ERC1: variants seen among roughly 807,000 people sequenced by gnomAD.
ERC1 encodes the protein RAB6 interacting protein 2.
A neutral mutation model predicts 132.0 loss-of-function variants in ERC1; 56 were observed. The ratio of observed to expected loss-of-function variants is 0.42; its 90% CI spans 0.34 to 0.53. The LOEUF (loss-of-function observed/expected upper bound fraction) is 0.53, where lower values mean the gene tolerates loss of function less well. Among genes scored for constraint, ERC1 ranks in the 20% least tolerant of loss-of-function variants. ERC1 has a pLI of 0.03. For missense variants in ERC1, 1,202 were observed against 1,349.9 expected (o/e 0.89, Z 1.72); for synonymous variants, 478 against 476.1 (o/e 1.00, Z -0.05).
chr12:1,024,238 G>A (rs765013398), intron 1 of ERC1, among the ~76,000 whole-genome samples: 3 of 152,064 alleles, frequency 2.0e-5, no homozygotes, highest in Non-Finnish European at 4.4e-5. Flanking sequence ...AAAATTAGCT[G>A]GGTGTGCTGA....
chr12:1,473,017 C>T (rs1367615535), intron 18 of ERC1, among the ~76,000 whole-genome samples: 1 of 152,020 alleles, frequency 6.6e-6, no homozygotes, highest in African/African-American at 2.4e-5. Context: ...TGGAGCCAAA[C>T]TCTTGTTGTT....
intron 16 of ERC1, among the ~76,000 whole-genome samples, chr12:1,388,784 G>T (rs1032775445): frequency 1.3e-5 from 2 of 152,120 alleles, no homozygotes; most frequent in African/African-American, 4.8e-5. Context: ...AAATGATGAG[G>T]ACAAGAATAT....
intron 15 of ERC1, among the ~76,000 whole-genome samples, chr12:1,325,390 T>G (rs1266429461): frequency 6.6e-6 from 1 of 152,216 alleles, no homozygotes; most frequent in African/African-American, 2.4e-5. Context: ...GAGGTTTGGA[T>G]AACATTGTTA....
chr12:1,151,047 G>A (rs1354057397), intron 8 of ERC1, among the ~76,000 whole-genome samples: 1 of 152,174 alleles, frequency 6.6e-6, no homozygotes, highest in Non-Finnish European at 1.5e-5. Context: ...GGAACTCTCT[G>A]TATCACCTTC....
chr12:1,475,632 T>C (rs956976013), intron 18 of ERC1, among the ~76,000 whole-genome samples: 1 of 152,202 alleles, frequency 6.6e-6, no homozygotes, highest in Middle Eastern at 3.4e-3. Flanking sequence ...GGAGATGAAA[T>C]TGAAGCAGTA....
chr12:1,300,836 T>TA (rs1230602044), intron 15 of ERC1, among the ~76,000 whole-genome samples: 1 of 152,100 alleles, frequency 6.6e-6, no homozygotes, highest in Non-Finnish European at 1.5e-5. Context: ...AAGGAACTCT[T>TA]ACACACTGTC....
intron 12 of ERC1, among the ~76,000 whole-genome samples, chr12:1,225,660 T>C (rs1228470562): frequency 6.6e-6 from 1 of 152,216 alleles, no homozygotes; most frequent in African/African-American, 2.4e-5. Context: ...AGGAATGAAA[T>C]TGGCTTTGAT....
At chr12:1,156,962 G>GT (rs1445388157) in intron 8 of ERC1, among the ~76,000 whole-genome samples, 3 of 151,790 alleles carry the variant, frequency 2.0e-5, no homozygotes, top group Non-Finnish European at 4.4e-5. Flanking sequence ...ACATTTTCCT[G>GT]TTTTTTGTTT....
intron 12 of ERC1, among the ~76,000 whole-genome samples, chr12:1,214,771 C>T (rs1387350263): frequency 6.6e-6 from 1 of 151,878 alleles, no homozygotes; most frequent in Non-Finnish European, 1.5e-5. Context: ...TTACGCTAAG[C>T]ATTTTCCATG....
At chr12:1,378,050 A>G (rs1056968086) in intron 16 of ERC1, among the ~76,000 whole-genome samples, 11 of 152,222 alleles carry the variant, frequency 7.2e-5, no homozygotes, top group Non-Finnish European at 4.4e-5. Context: ...TACTGGTTTG[A>G]AATGTGTCGT....
At chr12:1,342,882 A>C (rs1321487883) in intron 15 of ERC1, among the ~76,000 whole-genome samples, 1 of 152,210 alleles carries the variant, frequency 6.6e-6, no homozygotes, top group East Asian at 1.9e-4. Context: ...GATCCAATCC[A>C]TATTTCAGGA....
In ERC1 at chr12:1,478,169, A is replaced by T. The variant is rs1285431896; in HGVS notation, c.3214-11924A>T. Among the ~76,000 whole-genome samples, 4 of 152,190 alleles carry T rather than the reference A, an allele frequency of 2.6e-5. No homozygotes were observed. The East Asian group carries it at 7.7e-4, about 29-fold the overall frequency. ...TATGGCCATTTACACTCCCACCGGG[A>T]GTGTAGGAGAGGCCAAGTGGTTCCA... On this transcript the variant is annotated intron_variant, in intron 18 of 18. Coordinates refer to ENST00000360905, the MANE Select transcript of ERC1 (RefSeq NM_178040.4).
chr12:1,289,221 G>GTATATAGGTATATATATGCCTGTATAGT (rs1466861592), intron 14 of ERC1, among the ~76,000 whole-genome samples: 6 of 146,062 alleles, frequency 4.1e-5, no homozygotes, highest in South Asian at 2.1e-4. Flanking sequence ...TGCCTATGTA[G>GTATATAGGTATATATATGCCTGTATAGT]TATATAGGTA....
intron 12 of ERC1, among the ~76,000 whole-genome samples, chr12:1,224,863 C>T (rs1216678399): frequency 6.6e-6 from 1 of 151,740 alleles, no homozygotes; most frequent in East Asian, 1.9e-4. Context: ...TGGTGGCATA[C>T]GTCTATAGTC....
rs56939346 is a variant in ERC1 at position 1,493,548 on chromosome 12, A to AAAAAAATATATATATATAT, written c.*3319_*3320insAAAAATATATATATATATA. The AAAAAAATATATATATATAT allele has an allele frequency of 7.3e-5, 1 of 13,618 alleles. No individual in the cohort carries two copies. The highest frequency in any genetic ancestry group is 2.2e-4 in the African/African-American group (1 of 4,562). The allele number at this position is 13,618 out of a possible 1,614,324, so 0.8% of individuals were successfully genotyped here. On this transcript the variant is annotated 3_prime_UTR_variant, in exon 19 of 19. Coordinates refer to ENST00000360905, the MANE Select transcript of ERC1 (RefSeq NM_178040.4). ...ACTCCATTTAAAAAAAAAAAAAAAA[A>AAAAAAATATATATATATAT]ATATATATATATATATATATATATA...
intron 2 of ERC1, among the ~76,000 whole-genome samples, chr12:1,062,864 T>A (rs2154176642): frequency 6.6e-6 from 1 of 152,348 alleles, no homozygotes; most frequent in East Asian, 1.9e-4. Context: ...TAATAATATT[T>A]GCTTTATAGC....
chr12:1,476,187 CAG>C (rs1251649518), intron 18 of ERC1, among the ~76,000 whole-genome samples: 1 of 150,612 alleles, frequency 6.6e-6, no homozygotes, highest in Non-Finnish European at 1.5e-5. Flanking sequence ...ACCCGGGAGG[CAG>C]AGATTGCAAT....
intron 11 of ERC1, among the ~76,000 whole-genome samples, chr12:1,187,599 A>G (rs1955247601): frequency 6.6e-6 from 1 of 152,110 alleles, no homozygotes; most frequent in Admixed American, 6.5e-5. Flanking sequence ...TTCCAGCTAC[A>G]TTTAATCTTG....
At position 1,371,521 on chromosome 12, in the gene ERC1, G is replaced by A. The variant is rs74057188; in HGVS notation, c.2781-312G>A. Reference sequence around the variant, plus strand: ...TAACTTCAAAGAATTGTTGGAAGGGGTGAATGATGCTGTTGGCGTTTGCTT... The same window carrying A: ...TAACTTCAAAGAATTGTTGGAAGGGATGAATGATGCTGTTGGCGTTTGCTT... On this transcript the variant is annotated intron_variant, in intron 15 of 18. Transcript: ENST00000360905. 5.8e-3 allele frequency among the ~76,000 whole-genome samples: 859 copies of A among 147,624 alleles called. 3 individuals carry two copies. Among genetic ancestry groups the A allele is most frequent in the African/African-American group, 0.022 (818 of 37,548 alleles).
Sources: gnomAD v4.1 joint callset for allele counts (sites outside exome capture counted in the v4.1 genomes callset) on GRCh38, gnomAD v4.1.1 for gene constraint, MANE v1.5 for transcripts, NCBI Gene and HGNC (gene_info 2026-07-23, HGNC 2026-07-21) for gene names.